ITGB3BP: variants seen among roughly 807,000 people sequenced by gnomAD.
ITGB3BP encodes the protein integrin subunit beta 3 binding protein, also known as centromere protein R.
ITGB3BP carries 27 observed loss-of-function variants against 29.1 expected under a neutral mutation model. The ratio of observed to expected loss-of-function variants is 0.93; its 90% CI spans 0.68 to 1.28. The LOEUF (loss-of-function observed/expected upper bound fraction) is 1.28, where lower values mean the gene tolerates loss of function less well. ITGB3BP is among the 50% of genes most tolerant of loss of function. The pLI is 0.00. For synonymous variants in ITGB3BP, 61 were observed against 61.4 expected (o/e 0.99, Z 0.03); for missense variants, 192 against 200.2 (o/e 0.96, Z 0.25).
intron 4 of ITGB3BP, among the ~76,000 whole-genome samples, chr1:63,464,516 AC>A (rs1051726649): frequency 2.6e-5 from 4 of 152,210 alleles, no homozygotes; most frequent in Non-Finnish European, 5.9e-5. Flanking sequence ...TAAATGGCCA[AC>A]CAGCAGAAGG....
chr1:63,505,136 G>A (rs988582609), intron 2 of ITGB3BP, among the ~76,000 whole-genome samples: 2 of 151,246 alleles, frequency 1.3e-5, no homozygotes, highest in Non-Finnish European at 3.0e-5. Flanking sequence ...GAATCCATCT[G>A]GTCCTGGACT....
chr1:63,516,369 G>C (rs1332733791), intron 1 of ITGB3BP, among the ~76,000 whole-genome samples: 26 of 140,670 alleles, frequency 1.8e-4, no homozygotes, highest in Non-Finnish European at 2.0e-4. Flanking sequence ...GGGGAGAAGG[G>C]GGGGGGAAGG....
At chr1:63,447,932 A>G (rs1456202261) in intron 7 of ITGB3BP, 4 of 207,224 alleles carry the variant, frequency 1.9e-5, no homozygotes, top group African/African-American at 9.2e-5. Context: ...ACCAACCCAA[A>G]AGTCCAACAA....
intron 2 of ITGB3BP, among the ~76,000 whole-genome samples, chr1:63,505,166 A>G (rs1646044416): frequency 6.6e-6 from 1 of 151,862 alleles, no homozygotes; most frequent in African/African-American, 2.4e-5. Context: ...TGGTAAGCTA[A>G]TAATTATTGC....
intron 2 of ITGB3BP, among the ~76,000 whole-genome samples, chr1:63,502,483 C>T (rs549782462): frequency 1.3e-5 from 2 of 148,382 alleles, no homozygotes; most frequent in East Asian, 2.0e-4. Context: ...GGGAAGGCCT[C>T]AGAATCATGG....
intron 1 of ITGB3BP, among the ~76,000 whole-genome samples, chr1:63,519,512 CTT>C (rs1481226074): frequency 6.6e-6 from 1 of 152,098 alleles, no homozygotes; most frequent in Admixed American, 6.5e-5. Flanking sequence ...ACTTTACTGA[CTT>C]TTACAAGCAG....
Position 63,492,189 on chromosome 1 carries a change from C to CTGTGTGTGTGTG in ITGB3BP, c.49-1983_49-1972dup, listed in dbSNP as rs10610086. Reference sequence around the variant, plus strand: ...ATAACTCTGTGAGTGTGCATGTGCTCTGTGTGTGTGTGTGTGTGTGTGTGT... The same window carrying CTGTGTGTGTGTG: ...ATAACTCTGTGAGTGTGCATGTGCTCTGTGTGTGTGTGTGTGTGTGTGTGTGTGTGTGTGTGT... On this transcript the variant is annotated intron_variant, in intron 2 of 8. Transcript: ENST00000271002. 2.5e-3 allele frequency among the ~76,000 whole-genome samples: 370 copies of CTGTGTGTGTGTG among 149,072 alleles called. 1 individual carries two copies. The highest frequency in any genetic ancestry group is 8.7e-3 in the African/African-American group (354 of 40,528).
chr1:63,476,887 C>A (rs1474119985), intron 4 of ITGB3BP, among the ~76,000 whole-genome samples: 1 of 152,062 alleles, frequency 6.6e-6, no homozygotes, highest in Non-Finnish European at 1.5e-5. Flanking sequence ...GAACTTTTTC[C>A]TGTGTACATA....
At chr1:63,505,824 TTGAG>T (rs1329180055) in intron 2 of ITGB3BP, among the ~76,000 whole-genome samples, 1 of 152,186 alleles carries the variant, frequency 6.6e-6, no homozygotes, top group Non-Finnish European at 1.5e-5. Context: ...TTGAGCGGTT[TTGAG>T]TGAGTTTCTT....
intron 2 of ITGB3BP, among the ~76,000 whole-genome samples, chr1:63,506,280 G>A (rs1370954192): frequency 2.6e-5 from 4 of 152,090 alleles, no homozygotes; most frequent in Non-Finnish European, 5.9e-5. Flanking sequence ...GACCTTCTTT[G>A]TCTCTTTTGA....
chr1:63,514,409 T>G (rs1439713493), intron 1 of ITGB3BP, among the ~76,000 whole-genome samples: 1 of 152,308 alleles, frequency 6.6e-6, no homozygotes, highest in Middle Eastern at 3.4e-3. Flanking sequence ...GTAGAGGTGC[T>G]AGATCATTGG....
At chr1:63,444,930 G>T (rs186158904) in intron 8 of ITGB3BP, among the ~76,000 whole-genome samples, 1 of 151,968 alleles carries the variant, frequency 6.6e-6, no homozygotes, top group East Asian at 1.9e-4. Context: ...TGCCTCATAC[G>T]TTGTTGTGAA....
At chr1:63,509,891 C>T (rs1186996113) in intron 1 of ITGB3BP, among the ~76,000 whole-genome samples, 1 of 152,076 alleles carries the variant, frequency 6.6e-6, no homozygotes, top group Non-Finnish European at 1.5e-5. Flanking sequence ...GTATTTATAA[C>T]GCTTCAAAAA....
intron 4 of ITGB3BP, among the ~76,000 whole-genome samples, chr1:63,472,168 G>A (rs765556285): frequency 7.3e-5 from 11 of 150,416 alleles, no homozygotes; most frequent in African/African-American, 9.8e-5. Context: ...ATTATTTTTC[G>A]GTTTGTCCTA....
intron 1 of ITGB3BP, among the ~76,000 whole-genome samples, chr1:63,518,297 TC>T (rs1646379263): frequency 6.6e-6 from 1 of 152,194 alleles, no homozygotes. Context: ...AAATTCTATT[TC>T]CTTAATTATG....
chr1:63,474,425 A>G (rs1443987430), intron 4 of ITGB3BP, among the ~76,000 whole-genome samples: 2 of 151,256 alleles, frequency 1.3e-5, no homozygotes, highest in African/African-American at 4.8e-5. Context: ...ATGGGCCATG[A>G]TGACAATGGC....
upstream of ITGB3BP, among the ~76,000 whole-genome samples, chr1:63,527,090 G>A (rs1372040534): frequency 6.6e-6 from 1 of 152,134 alleles, no homozygotes; most frequent in Non-Finnish European, 1.5e-5. Flanking sequence ...CTTCTAATTT[G>A]CCATTATTTC....
intron 4 of ITGB3BP, among the ~76,000 whole-genome samples, chr1:63,476,049 G>A (rs535590981): frequency 6.7e-6 from 1 of 149,766 alleles, no homozygotes; most frequent in East Asian, 1.9e-4. Flanking sequence ...TTTAAGAGAT[G>A]GTCTCACTGT....
At chr1:63,447,559 C>G (rs754351542) in intron 7 of ITGB3BP, 2 of 487,002 alleles carry the variant, frequency 4.1e-6, no homozygotes, top group South Asian at 3.0e-5. Context: ...AGCAATTTAG[C>G]TTTACCTAGG....
Sources: allele counts gnomAD v4.1 joint callset (sites outside exome capture counted in the v4.1 genomes callset), GRCh38; gene constraint gnomAD v4.1.1; transcripts MANE v1.5; gene names NCBI Gene and HGNC (gene_info 2026-07-23, HGNC 2026-07-21).